The following SFXN1 variants were observed in gnomAD, a reference collection of about 807,000 sequenced individuals.
SFXN1 encodes sideroflexin-1.
In SFXN1, 32 loss-of-function variants were observed where a neutral mutation model predicts 39.5. The observed-to-expected ratio is 0.81, with a 90% CI of 0.61 to 1.09. The LOEUF is 1.09. Among genes scored for constraint, SFXN1 ranks in the 50% least tolerant of loss-of-function variants. The probability of loss-of-function intolerance (pLI) is 0.00; values close to 1 mark genes in which losing one functional copy is unlikely to be tolerated. For missense variants in SFXN1, 402 were observed against 407.1 expected (o/e 0.99, Z 0.11); for synonymous variants, 136 against 146.5 (o/e 0.93, Z 0.52).
chr5:175,495,934 C>T (rs1420496954), intron 2 of SFXN1, among the ~76,000 whole-genome samples: 3 of 143,206 alleles, frequency 2.1e-5, no homozygotes, highest in Admixed American at 7.0e-5. Flanking sequence ...GAGTTTCGCT[C>T]TTGTTGCCCA....
chr5:175,520,023 C>T (rs896165426), intron 8 of SFXN1, among the ~76,000 whole-genome samples: 5 of 151,646 alleles, frequency 3.3e-5, no homozygotes, highest in Non-Finnish European at 7.4e-5. Context: ...GCATGTACCA[C>T]CATGCCTAGC....
At position 175,504,768 on chromosome 5, in the gene SFXN1, G is replaced by T. The variant is rs533358978; in HGVS notation, c.165-4264G>T. Among the ~76,000 whole-genome samples the T allele has an allele frequency of 7.4e-4, 112 of 151,920 alleles. 1 individual carries two copies. The highest frequency in any genetic ancestry group is 2.6e-3 in the African/African-American group (107 of 41,454). ...GGAGGGTGCGGAGTCTTGCTCTGTC[G>T]CCCAGGCTGGAGTGCAGTGGCGCGA... On this transcript the variant is annotated intron_variant, in intron 2 of 10. Transcript: ENST00000321442.
In SFXN1 at chr5:175,512,334, A is replaced by T. The variant is rs180739934; in HGVS notation, c.596+138A>T. ...TATATGAGATCTTGGATTTCTTTTG[A>T]AATACTCTGGGGTTGGGGATGAGGA... On this transcript the variant is annotated intron_variant, in intron 6 of 10. Transcript: ENST00000321442. 1.7e-4 allele frequency: 135 copies of T among 781,294 alleles called. No homozygotes were observed. In the East Asian group the frequency reaches 3.3e-3, roughly 19 times the overall value. The allele number at this position is 781,294 out of a possible 1,614,324, so 48.4% of individuals were successfully genotyped here.
rs1312274808 is a variant in SFXN1 at position 175,528,809 on chromosome 5, G to A, written c.*2075G>A. 2 of 152,132 alleles carry A rather than the reference G, an allele frequency of 1.3e-5. No homozygotes were observed. Among genetic ancestry groups the A allele is most frequent in the East Asian group, 3.9e-4 (2 of 5,182 alleles). The allele number at this position is 152,132 out of a possible 1,614,324, so 9.4% of individuals were successfully genotyped here. ...CCTCGACGCGTCTCTTTATAAAGTG[G>A]TAAAAGCCTGAAATTCAGGGCAGCT... is the stretch of plus-strand genomic sequence containing the variant. On this transcript the variant is annotated 3_prime_UTR_variant, in exon 11 of 11. Coordinates refer to ENST00000321442, the MANE Select transcript of SFXN1 (RefSeq NM_022754.7).
Position 175,509,012 on chromosome 5 carries a change from A to T in SFXN1, c.165-20A>T, listed in dbSNP as rs1760414638. 3.8e-6 allele frequency: 6 copies of T among 1,589,280 alleles called. No individual in the cohort carries two copies. The East Asian group carries it at 1.4e-4, about 36-fold the overall frequency. ...GATATTTGAAATGAGCAATTGCCAT[A>T]TTATTTGTTGTTTTCTTAGGCAAGG... On this transcript the variant is annotated intron_variant, in intron 2 of 10. Coordinates refer to ENST00000321442, the MANE Select transcript of SFXN1 (RefSeq NM_022754.7).
chr5:175,513,732 A>C, intron 7 of SFXN1, 142 bp downstream of exon 7: 4 of 850,602 alleles, frequency 4.7e-6, no homozygotes, highest in Non-Finnish European at 7.2e-6. Context: ...AAACAAGTAA[A>C]TAAAGTATGT....
intron 2 of SFXN1, among the ~76,000 whole-genome samples, chr5:175,503,128 T>C (rs1760146156): frequency 1.3e-5 from 2 of 152,160 alleles, no homozygotes; most frequent in South Asian, 2.1e-4. Flanking sequence ...CATGGAAATA[T>C]CCTGTACCAC....
chr5:175,511,425 C>T (rs1760508875), intron 4 of SFXN1, 26 bp from the exon 5 acceptor site: 2 of 1,599,404 alleles, frequency 1.3e-6, no homozygotes, highest in African/African-American at 2.7e-5. Context: ...CCTCGTCGTC[C>T]ACACGATATC....
chr5:175,492,326 T>C, intron 2 of SFXN1, 59 bp downstream of exon 2: 4 of 1,389,342 alleles, frequency 2.9e-6, no homozygotes, highest in Non-Finnish European at 3.8e-6. Flanking sequence ...GTTAGGCTGC[T>C]ATCTTTAAAC....
chr5:175,489,819 A>T (rs1759591711), intron 1 of SFXN1, among the ~76,000 whole-genome samples: 1 of 152,176 alleles, frequency 6.6e-6, no homozygotes, highest in Non-Finnish European at 1.5e-5. Flanking sequence ...TGTGGACCTC[A>T]TGCTGATGGG....
chr5:175,512,662 G>A (rs1335991461), intron 6 of SFXN1, among the ~76,000 whole-genome samples: 2 of 152,172 alleles, frequency 1.3e-5, no homozygotes, highest in East Asian at 3.9e-4. Context: ...GGAGAAGAAA[G>A]AACAACAAAA....
intron 2 of SFXN1, among the ~76,000 whole-genome samples, chr5:175,504,465 C>G (rs1760212052): frequency 6.6e-6 from 1 of 151,530 alleles, no homozygotes; most frequent in African/African-American, 2.4e-5. Flanking sequence ...GTCGCAGGTA[C>G]TCCAGAGGCT....
chr5:175,518,253 A>G (rs1581323171), intron 8 of SFXN1, among the ~76,000 whole-genome samples: 1 of 152,150 alleles, frequency 6.6e-6, no homozygotes, highest in Non-Finnish European at 1.5e-5. Context: ...TTTGGGTCCT[A>G]TGCTAGTTCT....
At chr5:175,488,050 G>T (rs1453326003) in intron 1 of SFXN1, among the ~76,000 whole-genome samples, 4 of 152,112 alleles carry the variant, frequency 2.6e-5, no homozygotes, top group Non-Finnish European at 5.9e-5. Context: ...CCCACTGTCT[G>T]TTCTCCACAC....
chr5:175,497,062 A>G (rs1759883876), intron 2 of SFXN1, among the ~76,000 whole-genome samples: 1 of 152,020 alleles, frequency 6.6e-6, no homozygotes, highest in Non-Finnish European at 1.5e-5. Flanking sequence ...GCTAATTTTC[A>G]TGTTTTTAGT....
intron 2 of SFXN1, among the ~76,000 whole-genome samples, chr5:175,502,720 A>G (rs1024196208): frequency 2.0e-5 from 3 of 152,178 alleles, no homozygotes; most frequent in African/African-American, 7.2e-5. Flanking sequence ...ACATGCCTGT[A>G]ATCCCAGCTA....
intron 1 of SFXN1, 33 bp downstream of exon 1, chr5:175,478,672 G>A (rs1370828525): frequency 1.2e-5 from 1 of 84,680 alleles, no homozygotes; most frequent in African/African-American, 5.6e-5. Flanking sequence ...AGCCAGGTGG[G>A]TGGGGAAACG....
At chr5:175,526,220 A>T (rs1396194170) in intron 10 of SFXN1, among the ~76,000 whole-genome samples, 1 of 151,414 alleles carries the variant, frequency 6.6e-6, no homozygotes, top group African/African-American at 2.4e-5. Flanking sequence ...ATGTAGGCAG[A>T]TTATCAATGT....
rs1760892528 is a variant in SFXN1, at chr5:175,521,916, C to T, written c.775-3C>T. 1 of 1,595,480 alleles carries T rather than the reference C, an allele frequency of 6.3e-7. No individual in the cohort carries two copies. The highest frequency in any genetic ancestry group is 8.6e-7 in the Non-Finnish European group (1 of 1,167,296). The stretch of plus-strand genomic sequence containing the variant: ...ATTCAAAGCCATTTATTTCTCAACA[C>T]AGAGGTTCCCATGGATGAGTGCACC... On this transcript the variant is annotated splice_polypyrimidine_tract_variant and splice_region_variant and intron_variant, in intron 8 of 10. Coordinates refer to ENST00000321442, the MANE Select transcript of SFXN1 (RefSeq NM_022754.7).
Sources: allele counts gnomAD v4.1 joint callset (sites outside exome capture counted in the v4.1 genomes callset), GRCh38; gene constraint gnomAD v4.1.1; transcripts MANE v1.5; gene names NCBI Gene and HGNC (gene_info 2026-07-23, HGNC 2026-07-21).